The following NPIPB15 variants were observed in gnomAD, a reference collection of about 807,000 sequenced individuals.
NPIPB15 encodes the protein nuclear pore complex interacting protein family member B15.
A neutral mutation model predicts 35.9 loss-of-function variants in NPIPB15; 5 were observed. The observed-to-expected ratio is 0.14, with a 90% confidence interval of 0.07 to 0.29. The LOEUF (loss-of-function observed/expected upper bound fraction) is 0.29, where lower values mean the gene tolerates loss of function less well. Ranked by LOEUF, NPIPB15 falls within the 10% of genes least tolerant of loss-of-function variation. NPIPB15 has a pLI of 1.00. For missense variants in NPIPB15, 100 were observed against 506.1 expected (o/e 0.20, Z 7.70); for synonymous variants, 43 against 182.0 (o/e 0.24, Z 6.15).
At chr16:74,386,284 CTTTTT>C (rs1179744903) in intron 5 of NPIPB15, among the ~76,000 whole-genome samples, 1 of 106,540 alleles carries the variant, frequency 9.4e-6, no homozygotes. Context: ...CACACCCAGC[CTTTTT>C]TTTTTTTTTT....
In NPIPB15 at chr16:74,391,737, C is replaced by T; in HGVS notation, c.989C>T (p.Ser330Phe). The change falls in exon 8 of 8, where the codon TCT becomes TTT. Residue 330 changes from serine to phenylalanine, a missense_variant. Coordinates refer to ENST00000692376, the MANE Select transcript of NPIPB15 (RefSeq NM_001306094.2). Reference sequence around the variant, plus strand: ...TGTCTCTTTGTCCCTCTTCCACCCTCTCCTCTTCCACCCTCAGTGGATGAT... The same window carrying T: ...TGTCTCTTTGTCCCTCTTCCACCCTTTCCTCTTCCACCCTCAGTGGATGAT... ...KDCLFVPLPP[S>F]PLPPSVDDNL... is the part of the protein sequence containing the mutation. 7.5e-7 allele frequency: 1 copy of T among 1,335,392 alleles called. No individual in the cohort carries two copies. Among genetic ancestry groups the T allele is most frequent in the Non-Finnish European group, 1.0e-6 (1 of 989,206 alleles). 82.7% of individuals were successfully genotyped at this position (1,335,392 alleles called of 1,614,324 possible).
chr16:74,383,803 C>G (rs1439802164), intron 3 of NPIPB15, among the ~76,000 whole-genome samples: 4 of 151,918 alleles, frequency 2.6e-5, no homozygotes, highest in Non-Finnish European at 4.4e-5. Context: ...ATAATCCCAG[C>G]TACTTGGGAG....
chr16:74,387,389 G>T lies in NPIPB15; in HGVS notation c.545+1640G>T, dbSNP rs919536256. 7.4e-5 allele frequency among the ~76,000 whole-genome samples: 11 copies of T among 149,162 alleles called. 1 individual carries two copies. Among genetic ancestry groups the T allele is most frequent in the African/African-American group, 2.8e-4 (11 of 39,570 alleles). ...AAATGCGAGGCTGACTTTCGTCCTG[G>T]GTTTCCTTCTTCTCCATCTTCACCT... is the stretch of plus-strand genomic sequence containing the variant. On this transcript the variant is annotated intron_variant, in intron 5 of 7. Transcript: ENST00000692376.
intron 3 of NPIPB15, among the ~76,000 whole-genome samples, chr16:74,384,991 T>TTGTGTGTGTGTG (rs199888896): frequency 1.6e-4 from 15 of 93,518 alleles, no homozygotes; most frequent in Non-Finnish European, 1.9e-4. Context: ...CATGTCATTC[T>TTGTGTGTGTGTG]TGTGTGTGTG....
At chr16:74,382,820 T>TGAGTTATGA (rs2012063559) in intron 3 of NPIPB15, among the ~76,000 whole-genome samples, 1 of 151,610 alleles carries the variant, frequency 6.6e-6, no homozygotes, top group South Asian at 2.1e-4. Context: ...AGAAAATATA[T>TGAGTTATGA]GAGTTATGAA....
At chr16:74,380,943 G>A (rs1306770777) in intron 2 of NPIPB15, among the ~76,000 whole-genome samples, 6 of 152,332 alleles carry the variant, frequency 3.9e-5, no homozygotes, top group Middle Eastern at 3.4e-3. Flanking sequence ...AGGAGTTCAA[G>A]GCCAGACTGG....
At chr16:74,386,148 C>G (rs368059625) in intron 5 of NPIPB15, among the ~76,000 whole-genome samples, 4,542 of 111,616 alleles carry the variant, frequency 0.041, 22 homozygotes, top group East Asian at 0.3. Context: ...CCACGCCCAG[C>G]TAATTTTTGT....
rs968716564 is a variant in NPIPB15, at chr16:74,376,311, C to G, written c.-1058C>G. On this transcript the variant is annotated 5_prime_UTR_variant, in exon 1 of 8. Transcript: ENST00000692376. ...GCAGTGGTTTTCAGCTGCCAGAGGCCTGAGTGAGTTTGGGCACACTCTGTG... is the reference window on the plus strand; with the variant it reads ...GCAGTGGTTTTCAGCTGCCAGAGGCGTGAGTGAGTTTGGGCACACTCTGTG... Among the ~76,000 whole-genome samples, 3 of 151,252 alleles carry G rather than the reference C, an allele frequency of 2.0e-5. No individual in the cohort carries two copies. Among genetic ancestry groups the G allele is most frequent in the Non-Finnish European group, 4.4e-5 (3 of 67,934 alleles).
intron 5 of NPIPB15, among the ~76,000 whole-genome samples, chr16:74,386,284 C>CTT (rs1179744903): frequency 0.026 from 2,782 of 105,718 alleles, 25 homozygotes; most frequent in African/African-American, 0.066. Context: ...CACACCCAGC[C>CTT]TTTTTTTTTT....
At chr16:74,379,428 C>T (rs1267561733) in intron 2 of NPIPB15, among the ~76,000 whole-genome samples, 1 of 152,094 alleles carries the variant, frequency 6.6e-6, no homozygotes, top group African/African-American at 2.4e-5. Context: ...ATAGTTAAAT[C>T]CTGAGGAATC....
chr16:74,384,991 TTGTGTGTG>T (rs199888896), intron 3 of NPIPB15, among the ~76,000 whole-genome samples: 4,246 of 93,456 alleles, frequency 0.045, 305 homozygotes, highest in African/African-American at 0.14. Flanking sequence ...CATGTCATTC[TTGTGTGTG>T]TGTGTGTGTG....
At chr16:74,378,690 G>A (rs1468333970) in intron 2 of NPIPB15, among the ~76,000 whole-genome samples, 5 of 150,868 alleles carry the variant, frequency 3.3e-5, no homozygotes, top group African/African-American at 4.9e-5. Context: ...GATTACAGGC[G>A]TGAACCACCG....
intron 2 of NPIPB15, among the ~76,000 whole-genome samples, chr16:74,379,391 T>A (rs1483052941): frequency 3.3e-5 from 5 of 152,152 alleles, no homozygotes; most frequent in Admixed American, 3.3e-4. Context: ...AAAGAAACAT[T>A]TAAAATTGAG....
At chr16:74,388,011 C>A (rs1453243879) in intron 5 of NPIPB15, among the ~76,000 whole-genome samples, 3 of 151,932 alleles carry the variant, frequency 2.0e-5, no homozygotes, top group Admixed American at 6.6e-5. Flanking sequence ...GATGGTTTGC[C>A]GTTGTCACCT....
chr16:74,391,343 T>G, intron 7 of NPIPB15, 48 bp from the exon 8 acceptor site: 1 of 1,584,698 alleles, frequency 6.3e-7, no homozygotes, highest in Non-Finnish European at 8.5e-7. Flanking sequence ...GGTAATTTTG[T>G]CCATCAAATG....
Position 74,391,899 on chromosome 16 carries a change from C to T in NPIPB15, c.1151C>T (p.Pro384Leu), listed in dbSNP as rs1282733974. The T allele has an allele frequency of 6.3e-7, 1 of 1,580,908 alleles. No individual in the cohort carries two copies. The highest frequency in any genetic ancestry group is 1.4e-5 in the African/African-American group (1 of 73,700). Residue 384 changes from proline (P) to leucine (L), a missense_variant, in exon 8 of 8, where the codon CCC (proline) becomes CTC (leucine). Transcript: ENST00000692376. The stretch of plus-strand genomic sequence containing the variant: ...AGGGCGGATGAGGTGGAACAATCGC[C>T]CAAGCCCAAGAGGCAGAGGGAGGCC... ...RRRADEVEQS[P>L]KPKRQREAEA...
At position 74,376,668 on chromosome 16, in the gene NPIPB15, C is replaced by T. The variant is rs1411259473; in HGVS notation, c.-701C>T. Among the ~76,000 whole-genome samples the T allele has an allele frequency of 1.3e-5, 2 of 152,122 alleles. No individual in the cohort carries two copies. Among genetic ancestry groups the T allele is most frequent in the African/African-American group, 4.8e-5 (2 of 41,436 alleles). On this transcript the variant is annotated 5_prime_UTR_variant, in exon 1 of 8. Coordinates refer to ENST00000692376, the MANE Select transcript of NPIPB15 (RefSeq NM_001306094.2). ...GCAGTAAGATGATTATAGATAAGGA[C>T]ATCATCACTCGGTTTCAGATGTTAA...
intron 2 of NPIPB15, among the ~76,000 whole-genome samples, chr16:74,378,596 T>C (rs1311242875): frequency 6.7e-6 from 1 of 149,438 alleles, no homozygotes; most frequent in African/African-American, 2.5e-5. Flanking sequence ...GTATTTTTAG[T>C]AGAGACGGGG....
intron 7 of NPIPB15, 70 bp downstream of exon 7, chr16:74,390,100 C>CTA: frequency 6.3e-7 from 1 of 1,591,906 alleles, no homozygotes; most frequent in Non-Finnish European, 8.5e-7. Flanking sequence ...ATTTTTCTCC[C>CTA]TACAGCTCTG....
Sources: allele counts gnomAD v4.1 joint callset (sites outside exome capture counted in the v4.1 genomes callset), GRCh38; gene constraint gnomAD v4.1.1; transcripts MANE v1.5; gene names NCBI Gene and HGNC (gene_info 2026-07-23, HGNC 2026-07-21).